ST3GAL3: variants seen among roughly 807,000 people sequenced by gnomAD.
ST3GAL3 encodes the protein CMP-N-acetylneuraminate-beta-1,4-galactoside alpha-2,3-sialyltransferase.
Under a neutral mutation model 50.1 loss-of-function variants are expected in ST3GAL3, and 21 were observed. The ratio of observed to expected loss-of-function variants is 0.42; its 90% CI spans 0.30 to 0.60. ST3GAL3 has a LOEUF of 0.60. Among genes scored for constraint, ST3GAL3 ranks in the 20% least tolerant of loss-of-function variants. The pLI is 0.19. For missense variants in ST3GAL3, 353 were observed against 489.4 expected, an observed-to-expected ratio of 0.72 and a Z score of 2.63; for synonymous variants, 183 against 190.0, an observed-to-expected ratio of 0.96 and a Z score of 0.30.
chr1:43,746,029 C>T (rs556913738), intron 2 of ST3GAL3, among the ~76,000 whole-genome samples: 52 of 152,284 alleles, frequency 3.4e-4, no homozygotes, highest in African/African-American at 9.9e-4. Context: ...TGCACAATGA[C>T]GAAATTGCCT....
At chr1:43,814,613 A>G (rs1390798186) in intron 3 of ST3GAL3, among the ~76,000 whole-genome samples, 1 of 152,186 alleles carries the variant, frequency 6.6e-6, no homozygotes, top group African/African-American at 2.4e-5. Flanking sequence ...TTCAGTTCCA[A>G]TTACCACATT....
At chr1:43,890,466 C>T (rs1367205332) in intron 5 of ST3GAL3, among the ~76,000 whole-genome samples, 2 of 152,100 alleles carry the variant, frequency 1.3e-5, no homozygotes, top group Non-Finnish European at 2.9e-5. Context: ...AAGAGATGCA[C>T]CTAACTAGCC....
chr1:43,805,886 C>T (rs920660164), intron 3 of ST3GAL3, among the ~76,000 whole-genome samples: 3 of 152,268 alleles, frequency 2.0e-5, no homozygotes, highest in Non-Finnish European at 4.4e-5. Context: ...CAGGCACGCA[C>T]CACCACACCC....
chr1:43,898,536 G>A lies in ST3GAL3; in HGVS notation c.461+238G>A, dbSNP rs2077729074. ...CAGTCCTCAGATACCAGAGGTTTGA[G>A]GGTAAGAACTGAACACACTGGGGCT... On this transcript the variant is annotated intron_variant, in intron 7 of 11. Coordinates refer to ENST00000347631, the MANE Select transcript of ST3GAL3 (RefSeq NM_006279.5). 3 of 600,568 alleles carry A rather than the reference G, an allele frequency of 5.0e-6. No individual in the cohort carries two copies. The Admixed American group carries it at 6.9e-5, about 14-fold the overall frequency. 37.2% of individuals were successfully genotyped at this position (600,568 alleles called of 1,614,324 possible). A position where few individuals can be genotyped will look rare whatever the true frequency, so the allele number is the denominator to read the frequency against.
chr1:43,734,117 TA>T (rs564655592), intron 1 of ST3GAL3, among the ~76,000 whole-genome samples: 3 of 150,112 alleles, frequency 2.0e-5, no homozygotes, highest in Non-Finnish European at 1.5e-5. Context: ...TCTCGGGGGG[TA>T]AAAAAAAAGA....
chr1:43,724,236 G>A (rs1371989919), intron 1 of ST3GAL3, among the ~76,000 whole-genome samples: 7 of 151,272 alleles, frequency 4.6e-5, no homozygotes, highest in South Asian at 2.1e-4. Flanking sequence ...TTTGAGATAG[G>A]GTCTCACTTT....
intron 2 of ST3GAL3, among the ~76,000 whole-genome samples, chr1:43,782,274 T>C (rs1699611622): frequency 6.6e-6 from 1 of 152,178 alleles, no homozygotes; most frequent in Non-Finnish European, 1.5e-5. Context: ...ATCCTGTCCA[T>C]TCTCCCTTTG....
intron 4 of ST3GAL3, among the ~76,000 whole-genome samples, chr1:43,837,742 G>A (rs1257430849): frequency 2.0e-5 from 3 of 152,196 alleles, no homozygotes; most frequent in African/African-American, 7.2e-5. Flanking sequence ...AGGCCAAGGC[G>A]AGAGGATCGC....
chr1:43,881,308 G>C (rs1272337077), intron 5 of ST3GAL3, among the ~76,000 whole-genome samples: 2 of 152,246 alleles, frequency 1.3e-5, no homozygotes, highest in African/African-American at 2.4e-5. Flanking sequence ...ACCACGCCCA[G>C]CCTCTGAGCT....
At chr1:43,908,301 A>C (rs1454507215) in intron 9 of ST3GAL3, among the ~76,000 whole-genome samples, 1 of 152,158 alleles carries the variant, frequency 6.6e-6, no homozygotes, top group Non-Finnish European at 1.5e-5. Context: ...TGTATTCTAA[A>C]GAATCCTCCT....
intron 5 of ST3GAL3, among the ~76,000 whole-genome samples, chr1:43,880,315 A>G (rs982128544): frequency 9.2e-5 from 14 of 152,294 alleles, no homozygotes; most frequent in African/African-American, 2.9e-4. Context: ...TACAACCCCA[A>G]ATCTTCCCAA....
Position 43,849,516 on chromosome 1 carries a change from TTTGA to T in ST3GAL3, c.302+11209_302+11212del, listed in dbSNP as rs1158917089. On this transcript the variant is annotated intron_variant, in intron 5 of 11. Coordinates refer to ENST00000347631, the MANE Select transcript of ST3GAL3 (RefSeq NM_006279.5). The stretch of plus-strand genomic sequence containing the variant: ...CTTATAGACATTCAGTGGTTAAAAA[TTTGA>T]TTGTGCTTATTAAAAATGGTCGTAT... 3.9e-5 allele frequency among the ~76,000 whole-genome samples: 6 copies of T among 152,330 alleles called. No individual in the cohort carries two copies. In the East Asian group the frequency reaches 9.6e-4, roughly 24 times the overall value.
At chr1:43,911,639 CTAT>C (rs1557497400) in intron 9 of ST3GAL3, among the ~76,000 whole-genome samples, 4 of 147,264 alleles carry the variant, frequency 2.7e-5, no homozygotes, top group African/African-American at 7.6e-5. Flanking sequence ...ATATCTATAT[CTAT>C]AGATATATCT....
intron 9 of ST3GAL3, among the ~76,000 whole-genome samples, chr1:43,908,815 A>G (rs1158381576): frequency 6.6e-6 from 1 of 152,042 alleles, no homozygotes; most frequent in African/African-American, 2.4e-5. Flanking sequence ...TATTTTTAGT[A>G]GAGATGGGGT....
intron 2 of ST3GAL3, among the ~76,000 whole-genome samples, chr1:43,747,643 C>T (rs1300578840): frequency 6.7e-6 from 1 of 148,556 alleles, no homozygotes; most frequent in Non-Finnish European, 1.5e-5. Context: ...TGCAATGGCA[C>T]CATCTTGGCT....
chr1:43,792,263 G>A (rs2058173175), intron 3 of ST3GAL3, 114 bp downstream of exon 3: 1 of 1,361,954 alleles, frequency 7.3e-7, no homozygotes, highest in African/African-American at 1.4e-5. Context: ...TCCCAGAATT[G>A]GGGGAAGTCT....
intron 2 of ST3GAL3, among the ~76,000 whole-genome samples, chr1:43,777,437 C>G (rs1697704205): frequency 2.0e-5 from 3 of 152,110 alleles, no homozygotes; most frequent in Non-Finnish European, 4.4e-5. Context: ...GACACATAGA[C>G]CAATGGAACA....
intron 5 of ST3GAL3, among the ~76,000 whole-genome samples, chr1:43,884,024 C>T (rs2075579103): frequency 6.6e-6 from 1 of 152,176 alleles, no homozygotes; most frequent in Non-Finnish European, 1.5e-5. Context: ...CATATATTTT[C>T]TTATGATTAT....
intron 2 of ST3GAL3, among the ~76,000 whole-genome samples, chr1:43,782,917 C>A (rs935755579): frequency 6.6e-6 from 1 of 152,018 alleles, no homozygotes; most frequent in Non-Finnish European, 1.5e-5. Context: ...AAATTCATTT[C>A]ATAGAAGAAA....
Sources: allele counts gnomAD v4.1 joint callset (sites outside exome capture counted in the v4.1 genomes callset), GRCh38; gene constraint gnomAD v4.1.1; transcripts MANE v1.5; gene names NCBI Gene and HGNC (gene_info 2026-07-23, HGNC 2026-07-21).